APOM: variants seen among roughly 807,000 people sequenced by gnomAD.
APOM encodes the protein NG20-like protein.
A neutral mutation model predicts 23.5 loss-of-function variants in APOM; 24 were observed. The ratio of observed to expected loss-of-function variants is 1.02; its 90% CI spans 0.74 to 1.44. The LOEUF is 1.44. APOM is among the 40% of genes most tolerant of loss of function. APOM has a pLI of 0.00. For missense variants in APOM, 200 were observed against 233.2 expected, an observed-to-expected ratio of 0.86 and a Z score of 0.93; for synonymous variants, 82 against 84.1, an observed-to-expected ratio of 0.97 and a Z score of 0.14.
rs1800351915 is a variant in APOM, at chr6:31,658,203, A to T, written c.*114A>T. ...CTCAAGATAATAAAGATAATTTTTC[A>T]ATCCTCATCTCATTCTGGGGTTTGT... On this transcript the variant is annotated 3_prime_UTR_variant, in exon 6 of 6. Transcript: ENST00000375916. 8.0e-7 allele frequency: 1 copy of T among 1,245,286 alleles called. No individual in the cohort carries two copies. Among genetic ancestry groups the T allele is most frequent in the East Asian group, 2.3e-5 (1 of 43,022 alleles). 77.1% of individuals were successfully genotyped at this position (1,245,286 alleles called of 1,614,324 possible).
At position 31,656,623 on chromosome 6, in the gene APOM, G is replaced by A. The variant is rs369056786; in HGVS notation, c.266G>A (p.Arg89His). The change falls in exon 2 of 6, where the codon CGC (arginine) becomes CAC (histidine). Residue 89 changes from arginine (R) to histidine (H), a missense_variant. Arg to His is a conservative substitution (Grantham distance 29). Coordinates refer to ENST00000375916, the MANE Select transcript of APOM (RefSeq NM_019101.3). Reference sequence around the variant, plus strand: ...CAGCTCCACCTTCGTGCTACCATCCGCATGTGAGTGGTAAGGAGGCAGAAG... The same window carrying A: ...CAGCTCCACCTTCGTGCTACCATCCACATGTGAGTGGTAAGGAGGCAGAAG... Reference protein sequence around the residue: ...PMQLHLRATIRMKDGLCVPRK... With the variant: ...PMQLHLRATIHMKDGLCVPRK... 24 of 1,613,230 alleles carry A rather than the reference G, an allele frequency of 1.5e-5. No individual in the cohort carries two copies. The highest frequency in any genetic ancestry group is 4.0e-5 in the African/African-American group (3 of 74,886).
intron 3 of APOM, 33 bp from the exon 4 acceptor site, chr6:31,657,347 C>T: frequency 6.2e-7 from 1 of 1,613,036 alleles, no homozygotes; most frequent in Non-Finnish European, 8.5e-7. Flanking sequence ...TTCTGCATCT[C>T]TGTTCTCATA....
At position 31,656,057 on chromosome 6, in the gene APOM, A is replaced by G. The variant is rs150345955; in HGVS notation, c.91A>G (p.Thr31Ala). ...GTGCCCTGAGCACAGTCAACTGACA[A>G]CTCTGGGCGTGGATGGGAAGGAGGT... ...YQCPEHSQLT[T>A]LGVDGKEFPE... Residue 31 changes from threonine (T) to alanine (A), a missense_variant, in exon 1 of 6, where the codon ACT (threonine) becomes GCT (alanine). Transcript: ENST00000375916. The G allele has an allele frequency of 4.4e-3, 6,972 of 1,576,364 alleles. 55 individuals carry two copies. The highest frequency in any genetic ancestry group is 0.026 in the Middle Eastern group (152 of 5,954).
chr6:31,653,008 A>G (rs1798941321), upstream of APOM, among the ~76,000 whole-genome samples: 1 of 151,532 alleles, frequency 6.6e-6, no homozygotes, highest in South Asian at 2.1e-4. Flanking sequence ...CTCTTTCAGT[A>G]GGCGTTTGGG....
chr6:31,655,506 T>C (rs1416128277), upstream of APOM: 1 of 153,898 alleles, frequency 6.5e-6, no homozygotes, highest in Non-Finnish European at 1.4e-5. Flanking sequence ...TTCTTCAAGA[T>C]CAGGGGCTAT....
rs2151145489 is a variant in APOM at position 31,657,254 on chromosome 6, G to A, written c.299G>A (p.Trp100Ter). 1 of 1,613,014 alleles carries A rather than the reference G, an allele frequency of 6.2e-7. No individual in the cohort carries two copies. Among genetic ancestry groups the A allele is most frequent in the East Asian group, 2.2e-5 (1 of 44,892 alleles). ...MKDGLCVPRKWIYHLTEGSTD... is the reference protein window; with the variant it reads ...MKDGLCVPRK ...GATGGGCTCTGTGTGCCCCGGAAAT[G>A]GATCTACCACCTGACTGAAGGGAGC... is the stretch of plus-strand genomic sequence containing the variant. Residue 100 changes from tryptophan (W) to a stop codon, truncating the protein, a stop_gained, in exon 3 of 6, where the codon TGG becomes TAG. Transcript: ENST00000375916. LOFTEE classifies it high-confidence loss of function.
chr6:31,657,103 G>A (rs1476421482), intron 2 of APOM, 122 bp from the exon 3 acceptor site: 4 of 889,748 alleles, frequency 4.5e-6, no homozygotes, highest in African/African-American at 3.4e-5. Flanking sequence ...CCGAGATGGC[G>A]CCACTGCACT....
intron 1 of APOM, 148 bp from the exon 2 acceptor site, chr6:31,656,324 A>T: frequency 1.1e-6 from 1 of 928,506 alleles, no homozygotes; most frequent in Non-Finnish European, 1.6e-6. Flanking sequence ...TCATTTAATG[A>T]CTCTTTGTCA....
At chr6:31,654,245 C>CA (rs34260741), upstream of APOM, among the ~76,000 whole-genome samples, 5,581 of 98,976 alleles carry the variant, frequency 0.056, 298 homozygotes, top group African/African-American at 0.15. Flanking sequence ...ACTCCCATCT[C>CA]AAAAAAAAAA....
chr6:31,656,124 G>A (rs1800022480), intron 1 of APOM, 44 bp downstream of exon 1: 1 of 1,454,024 alleles, frequency 6.9e-7, no homozygotes, highest in Non-Finnish European at 9.4e-7. Flanking sequence ...AGGCTCTGAG[G>A]GACTTGGGTG....
intron 5 of APOM, 86 bp downstream of exon 5, chr6:31,657,809 C>T: frequency 8.0e-7 from 1 of 1,257,844 alleles, no homozygotes; most frequent in Non-Finnish European, 1.2e-6. Flanking sequence ...TGTGATGTCA[C>T]CAGAGGGATG....
chr6:31,656,830 T>C (rs1800124131), intron 2 of APOM, among the ~76,000 whole-genome samples: 1 of 152,098 alleles, frequency 6.6e-6, no homozygotes, highest in South Asian at 2.1e-4. Flanking sequence ...TGGGCTTCAA[T>C]AACAAATACA....
At chr6:31,653,025 A>C (rs1226070521), upstream of APOM, among the ~76,000 whole-genome samples, 1 of 151,702 alleles carries the variant, frequency 6.6e-6, no homozygotes, top group African/African-American at 2.4e-5. Context: ...TGGGGGCGGC[A>C]CTGGTCAATT....
chr6:31,652,786 A>C (rs1798828203), upstream of APOM: 1 of 152,702 alleles, frequency 6.5e-6, no homozygotes, highest in Non-Finnish European at 1.5e-5. Flanking sequence ...TGCCTGAAAA[A>C]CAGTCACCAG....
chr6:31,656,186 GT>G, intron 1 of APOM, 106 bp downstream of exon 1: 1 of 927,606 alleles, frequency 1.1e-6, no homozygotes, highest in Non-Finnish European at 1.7e-6. Context: ...GAGGAAGGGG[GT>G]GTGAGTGTTG....
At chr6:31,652,704 C>G (rs543864086), upstream of APOM, 1 of 147,602 alleles carries the variant, frequency 6.8e-6, no homozygotes, top group South Asian at 2.1e-4. Context: ...CGCCCCACCC[C>G]CTCCCCCCTC....
upstream of APOM, among the ~76,000 whole-genome samples, chr6:31,653,738 G>C (rs1799417203): frequency 2.0e-5 from 3 of 152,128 alleles, no homozygotes; most frequent in Non-Finnish European, 2.9e-5. Context: ...CTGGAGTGCA[G>C]TGGCGCAATC....
upstream of APOM, among the ~76,000 whole-genome samples, chr6:31,655,284 CCT>C (rs777043182): frequency 1.3e-5 from 2 of 152,230 alleles, no homozygotes; most frequent in Non-Finnish European, 2.9e-5. Context: ...CAACATCTAT[CCT>C]CTCTAACAGC....
rs1235032911 is a variant in APOM, at chr6:31,657,543, T to A, written c.442+65T>A. ...AAGGGAGGGCAGGAGAACTCCTCAC[T>A]CTGGGTCCTATGACACCCTCCCAGG... On this transcript the variant is annotated intron_variant, in intron 4 of 5. Transcript: ENST00000375916. 6.2e-6 allele frequency: 10 copies of A among 1,602,690 alleles called. No homozygotes were observed. The South Asian group carries it at 1.1e-4, about 18-fold the overall frequency.
Sources: allele counts gnomAD v4.1 joint callset (sites outside exome capture counted in the v4.1 genomes callset), GRCh38; gene constraint gnomAD v4.1.1; transcripts MANE v1.5; gene names NCBI Gene and HGNC (gene_info 2026-07-23, HGNC 2026-07-21).